The following SYNE1 variants were observed in gnomAD, a reference collection of about 807,000 sequenced individuals.
The protein encoded by SYNE1 is nesprin-1.
Under a neutral mutation model 1,111.0 loss-of-function variants are expected in SYNE1, and 616 were observed. That is an observed-to-expected ratio of 0.55 (90% CI 0.52 to 0.59). SYNE1 has a LOEUF of 0.59. SYNE1 is among the 20% of genes least tolerant of loss of function. The pLI is 0.00. For synonymous variants in SYNE1, 3,855 were observed against 3,825.8 expected (o/e 1.01, Z -0.28); for missense variants, 10,006 against 10,417.0 (o/e 0.96, Z 1.72).
chr6:152,287,940 G>A (rs552065387), intron 95 of SYNE1, among the ~76,000 whole-genome samples: 1 of 152,206 alleles, frequency 6.6e-6, no homozygotes, highest in South Asian at 2.1e-4. Flanking sequence ...GACTGATATT[G>A]TTTATTATAT....
chr6:152,433,015 G>A (rs1213951043), intron 34 of SYNE1, among the ~76,000 whole-genome samples: 1 of 151,526 alleles, frequency 6.6e-6, no homozygotes, highest in African/African-American at 2.4e-5. Flanking sequence ...GAGCCACAGT[G>A]TGAAATGTTC....
chr6:152,464,736 T>C (rs887032779), intron 18 of SYNE1: 2 of 164,266 alleles, frequency 1.2e-5, no homozygotes, highest in Non-Finnish European at 2.7e-5. Flanking sequence ...CATAAAACAG[T>C]AACTCTCACA....
chr6:152,348,510 C>A (rs571771413), intron 72 of SYNE1, among the ~76,000 whole-genome samples: 1 of 152,184 alleles, frequency 6.6e-6, no homozygotes, highest in Admixed American at 6.5e-5. Context: ...CATGGTGTAA[C>A]CCTGTCTCTA....
At chr6:152,209,093 T>C (rs1255357693) in intron 124 of SYNE1, among the ~76,000 whole-genome samples, 2 of 152,216 alleles carry the variant, frequency 1.3e-5, no homozygotes, top group Non-Finnish European at 2.9e-5. Context: ...GATTACAGTG[T>C]TATTCACACC....
chr6:152,346,772 T>C (rs1442536445), intron 73 of SYNE1, among the ~76,000 whole-genome samples: 1 of 152,116 alleles, frequency 6.6e-6, no homozygotes, highest in Non-Finnish European at 1.5e-5. Context: ...ATCGCGCCAC[T>C]GCACTCCAGC....
Position 152,330,162 on chromosome 6 carries a change from A to G in SYNE1, c.14523T>C (p.Asp4841=), listed in dbSNP as rs1310950823. 6.2e-7 allele frequency: 1 copy of G among 1,614,168 alleles called. No homozygotes were observed. The highest frequency in any genetic ancestry group is 1.3e-5 in the African/African-American group (1 of 75,034). ...VLKRVTIHLE[D]LAPHLDPLAY... Reference sequence around the variant, plus strand: ...CCAAGGGGTCAAGGTGTGGGGCAAGATCTTCAAGATGTATGGTTACTCGTT... The same window carrying G: ...CCAAGGGGTCAAGGTGTGGGGCAAGGTCTTCAAGATGTATGGTTACTCGTT... Residue 4841 remains aspartate (D), a synonymous_variant, in exon 78 of 146, where the codon GAT becomes GAC. Coordinates refer to ENST00000367255, the MANE Select transcript of SYNE1 (RefSeq NM_182961.4).
At chr6:152,408,580 T>C (rs1336044978) in intron 44 of SYNE1, among the ~76,000 whole-genome samples, 7 of 152,186 alleles carry the variant, frequency 4.6e-5, no homozygotes, top group African/African-American at 7.2e-5. Flanking sequence ...ACAAAGCAGA[T>C]ACATATTTTA....
rs1328848967 is a variant in SYNE1, at chr6:152,353,258, C to T, written c.11253+5G>A. The T allele has an allele frequency of 7.4e-6, 12 of 1,614,106 alleles. No homozygotes were observed. The highest frequency in any genetic ancestry group is 1.0e-5 in the Non-Finnish European group (12 of 1,180,014). ...TGGATACAAATCTGAAGTATGCGTG[C>T]CTACCTCCAACGTCTTCAATTTCTT... On this transcript the variant is annotated splice_donor_5th_base_variant and intron_variant, in intron 69 of 145. Coordinates refer to ENST00000367255, the MANE Select transcript of SYNE1 (RefSeq NM_182961.4).
rs1588081530 is a variant in SYNE1, at chr6:152,219,058, C to A, written c.21989G>T (p.Ser7330Ile). 3.1e-6 allele frequency: 5 copies of A among 1,614,168 alleles called. No homozygotes were observed. The highest frequency in any genetic ancestry group is 1.7e-4 in the Middle Eastern group (1 of 6,060). ...TTGCTCCAGGGCACACAAGTGTTGA[C>A]TCAAAGAGAGTTGATCCGATTGAAT... Reference protein sequence around the residue: ...SAIQSDQLSLSQHLCALEQAL... With the variant: ...SAIQSDQLSLIQHLCALEQAL... The change falls in exon 120 of 146, where the codon AGT becomes ATT. Residue 7330 changes from serine to isoleucine, a missense_variant. Ser to Ile is a moderately radical substitution (Grantham distance 142). This residue lies in a region of SYNE1 where 2,182 missense variants were observed against 2,287.8 expected (regional missense o/e 0.95). Transcript: ENST00000367255.
intron 131 of SYNE1, among the ~76,000 whole-genome samples, chr6:152,157,760 CT>C (rs545941179): frequency 0.02 from 2,716 of 134,932 alleles, 26 homozygotes; most frequent in Non-Finnish European, 0.026. Context: ...AGAACAAATT[CT>C]TTTTTTTTTT....
chr6:152,496,932 A>G (rs1594012409), intron 11 of SYNE1, among the ~76,000 whole-genome samples: 1 of 152,046 alleles, frequency 6.6e-6, no homozygotes. Context: ...CTCCTGGACA[A>G]TGAATCTCGG....
intron 133 of SYNE1, among the ~76,000 whole-genome samples, chr6:152,153,613 G>A (rs1236378173): frequency 1.3e-5 from 2 of 152,150 alleles, no homozygotes; most frequent in African/African-American, 4.8e-5. Context: ...TTTATGAAGG[G>A]AGTGTGTAAG....
At position 152,148,580 on chromosome 6, in the gene SYNE1, C is replaced by A. The variant is rs2059895347; in HGVS notation, c.24643-202G>T. ...AAATCTCAGTTACGCTGTGTGCTTC[C>A]TGTTTAAGCTTGGATAAGGAACTTA... On this transcript the variant is annotated intron_variant, in intron 136 of 145. Transcript: ENST00000367255. The surrounding 1 kb of genome is among the most constrained non-coding windows in gnomAD (Gnocchi z 4.1). 6.6e-6 allele frequency among the ~76,000 whole-genome samples: 1 copy of A among 152,010 alleles called. No individual in the cohort carries two copies. The highest frequency in any genetic ancestry group is 1.5e-5 in the Non-Finnish European group (1 of 68,006).
At chr6:152,365,174 G>C (rs2097047493) in intron 62 of SYNE1, among the ~76,000 whole-genome samples, 155 bp from the exon 63 acceptor site, 1 of 152,200 alleles carries the variant, frequency 6.6e-6, no homozygotes, top group Admixed American at 6.5e-5. Flanking sequence ...GAAGTGGCTT[G>C]CTGGTGAATG....
intron 32 of SYNE1, among the ~76,000 whole-genome samples, 167 bp downstream of exon 32, chr6:152,440,963 C>A (rs6915736): frequency 6.6e-6 from 1 of 151,978 alleles, no homozygotes; most frequent in African/African-American, 2.4e-5. Context: ...ATGTTTAATC[C>A]TACTTATGTT....
chr6:152,489,299 A>T (rs1439375270), intron 11 of SYNE1, among the ~76,000 whole-genome samples: 1 of 152,196 alleles, frequency 6.6e-6, no homozygotes, highest in African/African-American at 2.4e-5. Flanking sequence ...CAACTCCAGC[A>T]TCTCACTTGC....
Position 152,132,111 on chromosome 6 carries a change from T to A in SYNE1, c.26094+11A>T. Reference sequence around the variant, plus strand: ...CCATGGGCCAACTGAAAACGACCAGTGGAAAGTTACCGTTTTCTGTCTGTT... The same window carrying A: ...CCATGGGCCAACTGAAAACGACCAGAGGAAAGTTACCGTTTTCTGTCTGTT... On this transcript the variant is annotated intron_variant, in intron 144 of 145. Transcript: ENST00000367255. 1 of 1,613,684 alleles carries A rather than the reference T, an allele frequency of 6.2e-7. No homozygotes were observed. The highest frequency in any genetic ancestry group is 1.1e-5 in the South Asian group (1 of 91,068).
intron 82 of SYNE1, among the ~76,000 whole-genome samples, chr6:152,322,937 G>T (rs116067547): frequency 2.5e-3 from 386 of 152,278 alleles, no homozygotes; most frequent in African/African-American, 8.2e-3. Context: ...GCTCTCTGCG[G>T]CTTGACTGTA....
chr6:152,221,343 T>C (rs2080135887), intron 118 of SYNE1, 83 bp downstream of exon 118: 1 of 1,535,794 alleles, frequency 6.5e-7, no homozygotes, highest in Non-Finnish European at 8.9e-7. Flanking sequence ...TAGCTCAAAT[T>C]CAAACTGTCA....
Sources: gnomAD v4.1 joint callset for allele counts (sites outside exome capture counted in the v4.1 genomes callset) on GRCh38, gnomAD v4.1.1 for gene constraint, gnomAD v4.1.1 regional missense constraint, Gnocchi (gnomAD v3.1) non-coding constraint, MANE v1.5 for transcripts, NCBI Gene and HGNC (gene_info 2026-07-23, HGNC 2026-07-21) for gene names.